CUX2: variants seen among roughly 807,000 people sequenced by gnomAD.
CUX2 encodes homeobox protein cut-like 2.
A neutral mutation model predicts 144.8 loss-of-function variants in CUX2; 40 were observed. The ratio of observed to expected loss-of-function variants is 0.28; its 90% confidence interval spans 0.21 to 0.36. CUX2 has a LOEUF of 0.36. Ranked by LOEUF, CUX2 falls within the 10% of genes least tolerant of loss-of-function variation. The pLI, the probability that CUX2 is intolerant of heterozygous loss-of-function variation, is 1.00. For missense variants in CUX2, 1,615 were observed against 1,994.0 expected, an observed-to-expected ratio of 0.81 and a Z score of 3.62; for synonymous variants, 827 against 875.6, an observed-to-expected ratio of 0.94 and a Z score of 0.98.
rs183220716 is a variant in CUX2, at chr12:111,144,443, C to T, written c.64-69757C>T. 1.8e-4 allele frequency among the ~76,000 whole-genome samples: 27 copies of T among 152,312 alleles called. No homozygotes were observed. The East Asian group carries it at 5.2e-3, about 29-fold the overall frequency. ...TCCCGGTCACTAGGCTGCCTTTTCC[C>T]AGCTTTTTAGCTGATTAACTCCCAA... On this transcript the variant is annotated intron_variant, in intron 1 of 21. Transcript: ENST00000261726.
At chr12:111,096,862 C>T (rs958389844) in intron 1 of CUX2, among the ~76,000 whole-genome samples, 3 of 151,946 alleles carry the variant, frequency 2.0e-5, no homozygotes, top group Non-Finnish European at 2.9e-5. Flanking sequence ...CCTGTAATCC[C>T]GGCTACTTGG....
At chr12:111,302,899 TAAAAA>T (rs35454022) in intron 9 of CUX2, among the ~76,000 whole-genome samples, 5 of 109,462 alleles carry the variant, frequency 4.6e-5, no homozygotes, top group Admixed American at 3.9e-4. Flanking sequence ...GACTCTGTCT[TAAAAA>T]AAAAAAAAAA....
intron 1 of CUX2, among the ~76,000 whole-genome samples, chr12:111,119,885 C>G (rs1045080608): frequency 6.6e-6 from 1 of 152,188 alleles, no homozygotes; most frequent in Non-Finnish European, 1.5e-5. Context: ...TGGCAAAACC[C>G]TGTCTCTACT....
intron 1 of CUX2, among the ~76,000 whole-genome samples, chr12:111,135,618 G>C (rs1875828167): frequency 6.6e-6 from 1 of 152,160 alleles, no homozygotes; most frequent in Non-Finnish European, 1.5e-5. Flanking sequence ...ATACAATGTG[G>C]TCTGTCCATA....
At chr12:111,125,180 A>ATT (rs113174761) in intron 1 of CUX2, among the ~76,000 whole-genome samples, 17 of 141,286 alleles carry the variant, frequency 1.2e-4, no homozygotes, top group South Asian at 4.5e-4. Flanking sequence ...CTATTCTGGA[A>ATT]TTTTTTTTTT....
In CUX2 at chr12:111,098,178, T is replaced by C. The variant is rs1854272263; in HGVS notation, c.63+63938T>C. ...CACTTGGGAGGCCGAGGCAAGTGGA[T>C]CACTTGAGGTCAGGAGTTCAAGACT... On this transcript the variant is annotated intron_variant, in intron 1 of 21. Transcript: ENST00000261726. Among the ~76,000 whole-genome samples, 4 of 152,150 alleles carry C rather than the reference T, an allele frequency of 2.6e-5. No homozygotes were observed. The South Asian group carries it at 8.3e-4, about 32-fold the overall frequency.
intron 1 of CUX2, among the ~76,000 whole-genome samples, chr12:111,172,447 T>G (rs1285472174): frequency 1.3e-5 from 2 of 152,182 alleles, no homozygotes; most frequent in Non-Finnish European, 2.9e-5. Context: ...CCAGATCCTA[T>G]TGATTAAAGA....
In CUX2 at chr12:111,322,730, A is replaced by T; in HGVS notation, c.2926+150A>T. 1 of 1,050,148 alleles carries T rather than the reference A, an allele frequency of 9.5e-7. No individual in the cohort carries two copies. Among genetic ancestry groups the T allele is most frequent in the Non-Finnish European group, 1.4e-6 (1 of 732,880 alleles). 65.1% of individuals were successfully genotyped at this position (1,050,148 alleles called of 1,614,324 possible). A position where few individuals can be genotyped will look rare whatever the true frequency, so the allele number is the denominator to read the frequency against. ...CCAGTCACTGTCATGGCTGCACTGG[A>T]ACATGGCGGGGGGTCCTGGGGTTTC... On this transcript the variant is annotated intron_variant, in intron 18 of 21. Transcript: ENST00000261726. The surrounding 1 kb of genome is among the most constrained non-coding windows in gnomAD (Gnocchi z 4.2).
chr12:111,062,321 G>T (rs1870816880), intron 1 of CUX2, among the ~76,000 whole-genome samples: 1 of 152,184 alleles, frequency 6.6e-6, no homozygotes, highest in African/African-American at 2.4e-5. Flanking sequence ...CTGGTTGAGG[G>T]TCCACGAGCA....
chr12:111,177,519 T>C (rs1193746304), intron 1 of CUX2, among the ~76,000 whole-genome samples: 1 of 152,182 alleles, frequency 6.6e-6, no homozygotes, highest in East Asian at 1.9e-4. Context: ...GCCTCCCGAA[T>C]AGCTGGGACT....
At chr12:111,248,400 G>A (rs1247493386) in intron 3 of CUX2, among the ~76,000 whole-genome samples, 1 of 152,188 alleles carries the variant, frequency 6.6e-6, no homozygotes, top group East Asian at 1.9e-4. Context: ...GCCCAGGTTG[G>A]AACTGAGTCA....
intron 1 of CUX2, among the ~76,000 whole-genome samples, chr12:111,124,715 G>A (rs560732628): frequency 7.9e-5 from 12 of 152,262 alleles, no homozygotes; most frequent in African/African-American, 2.9e-4. Flanking sequence ...CTGATGCTGA[G>A]GTTTCAGGTA....
intron 1 of CUX2, among the ~76,000 whole-genome samples, chr12:111,096,241 C>T (rs1398113919): frequency 7.2e-5 from 11 of 152,170 alleles, no homozygotes; most frequent in Admixed American, 2.6e-4. Context: ...TGGAGCCCTC[C>T]GGTGGGGGTG....
At chr12:111,274,828 C>A (rs1337517573) in intron 4 of CUX2, among the ~76,000 whole-genome samples, 1 of 152,148 alleles carries the variant, frequency 6.6e-6, no homozygotes, top group East Asian at 1.9e-4. Context: ...TGTTTCTAAA[C>A]AGCCTCTCGG....
Position 111,330,718 on chromosome 12 carries a change from T to TACACATATAC in CUX2, c.2927-3722_2927-3721insCACATATACA, listed in dbSNP as rs1187726285. 2.8e-3 allele frequency among the ~76,000 whole-genome samples: 123 copies of TACACATATAC among 43,550 alleles called. 3 individuals are homozygous for TACACATATAC. The highest frequency in any genetic ancestry group is 0.014 in the African/African-American group (118 of 8,722). 28.6% of individuals were successfully genotyped at this position (43,550 alleles called of 152,430 possible). A position where few individuals can be genotyped will look rare whatever the true frequency, so the allele number is the denominator to read the frequency against. On this transcript the variant is annotated intron_variant, in intron 18 of 21. Coordinates refer to ENST00000261726, the MANE Select transcript of CUX2 (RefSeq NM_015267.4). ...ATATATATATATATATATATATATA[T>TACACATATAC]ATATATATATATATATATATATATA...
At chr12:111,196,736 C>T (rs991606862) in intron 1 of CUX2, among the ~76,000 whole-genome samples, 9 of 152,236 alleles carry the variant, frequency 5.9e-5, no homozygotes, top group South Asian at 4.2e-4. Flanking sequence ...CTTGTGCAAC[C>T]GAGGAACTGA....
At position 111,037,174 on chromosome 12, in the gene CUX2, G is replaced by C. The variant is rs569453971; in HGVS notation, c.63+2934G>C. On this transcript the variant is annotated intron_variant, in intron 1 of 21. Coordinates refer to ENST00000261726, the MANE Select transcript of CUX2 (RefSeq NM_015267.4). This position sits in a 1 kb window ranked among gnomAD's most constrained non-coding sequence, Gnocchi z 5.4. ...CCGGAGAGCCGGGGTCCCGCGTCCC[G>C]AGGCTGAGCTGCCTGTGATGTGAGG... 8.5e-4 allele frequency among the ~76,000 whole-genome samples: 130 copies of C among 152,292 alleles called. No homozygotes were observed. Among genetic ancestry groups the C allele is most frequent in the African/African-American group, 3.0e-3 (125 of 41,558 alleles).
intron 18 of CUX2, 25 bp from the exon 19 acceptor site, chr12:111,334,416 C>T (rs1888249519): frequency 6.4e-7 from 1 of 1,550,852 alleles, no homozygotes. Flanking sequence ...ATAGTAACCA[C>T]CTTCTCTTTC....
chr12:111,103,345 T>G (rs1308110569), intron 1 of CUX2, among the ~76,000 whole-genome samples: 1 of 152,214 alleles, frequency 6.6e-6, no homozygotes, highest in Non-Finnish European at 1.5e-5. Flanking sequence ...GGAACATACC[T>G]TGGAGTCAGT....
Sources: allele counts gnomAD v4.1 joint callset (sites outside exome capture counted in the v4.1 genomes callset), GRCh38; gene constraint gnomAD v4.1.1; non-coding constraint Gnocchi (gnomAD v3.1); transcripts MANE v1.5; gene names NCBI Gene and HGNC (gene_info 2026-07-23, HGNC 2026-07-21).